RUNX1T1: variants seen among roughly 807,000 people sequenced by gnomAD.
RUNX1T1 encodes the protein protein CBFA2T1.
In RUNX1T1, 4 loss-of-function variants were observed where a neutral mutation model predicts 62.8. The ratio of observed to expected loss-of-function variants is 0.06; its 90% CI spans 0.03 to 0.15. RUNX1T1 has a LOEUF of 0.15. Ranked by LOEUF, RUNX1T1 falls within the 10% of genes least tolerant of loss-of-function variation. RUNX1T1 has a pLI of 1.00. For missense variants in RUNX1T1, 508 were observed against 754.3 expected, an observed-to-expected ratio of 0.67 and a Z score of 3.82; for synonymous variants, 291 against 286.0, an observed-to-expected ratio of 1.02 and a Z score of -0.18.
At chr8:91,977,585 G>A (rs989446822) in intron 8 of RUNX1T1, among the ~76,000 whole-genome samples, 2 of 152,060 alleles carry the variant, frequency 1.3e-5, no homozygotes, top group African/African-American at 2.4e-5. Flanking sequence ...TTAGCCATGT[G>A]ACACAGTACA....
downstream of RUNX1T1, chr8:91,957,329 C>T: frequency 4.5e-6 from 1 of 224,312 alleles, no homozygotes; most frequent in African/African-American, 2.2e-5. Flanking sequence ...TTCTTTTGTG[C>T]CCATTTGGTT....
chr8:91,998,435 A>C (rs770273975), intron 5 of RUNX1T1, among the ~76,000 whole-genome samples: 4 of 152,288 alleles, frequency 2.6e-5, no homozygotes, highest in Middle Eastern at 6.8e-3. Context: ...TAATCTCTCC[A>C]TTGCTAAACA....
intron 3 of RUNX1T1, among the ~76,000 whole-genome samples, chr8:92,011,537 A>C (rs75377866): frequency 0.015 from 2,327 of 152,320 alleles, 36 homozygotes; most frequent in Non-Finnish European, 0.024. Flanking sequence ...TGGTGGAAAT[A>C]TTCTTCTCCT....
chr8:92,060,548 T>TA (rs1373668272), intron 1 of RUNX1T1, among the ~76,000 whole-genome samples: 3 of 131,864 alleles, frequency 2.3e-5, no homozygotes, highest in Non-Finnish European at 4.9e-5. Context: ...TATATATATA[T>TA]ATATATGTGT....
chr8:92,086,373 C>T (rs1210312113), intron 1 of RUNX1T1, among the ~76,000 whole-genome samples: 1 of 152,226 alleles, frequency 6.6e-6, no homozygotes, highest in African/African-American at 2.4e-5. Context: ...GCCCACCTGA[C>T]CACTTTGCAT....
intron 3 of RUNX1T1, among the ~76,000 whole-genome samples, 179 bp from the exon 5 acceptor site, chr8:92,011,270 A>G (rs1821872163): frequency 6.6e-6 from 1 of 152,234 alleles, no homozygotes; most frequent in African/African-American, 2.4e-5. Context: ...AGTTTATTGC[A>G]TCACTCACTT....
At chr8:92,089,801 GCTCC>G (rs1836692164) in intron 1 of RUNX1T1, among the ~76,000 whole-genome samples, 2 of 151,704 alleles carry the variant, frequency 1.3e-5, no homozygotes, top group South Asian at 4.2e-4. Context: ...GGAAAGAATG[GCTCC>G]CTAGTCCATA....
chr8:92,067,059 G>A (rs1228790466), upstream of RUNX1T1, among the ~76,000 whole-genome samples: 2 of 152,148 alleles, frequency 1.3e-5, no homozygotes, highest in African/African-American at 2.4e-5. Flanking sequence ...AAAAGAACAG[G>A]AGACATTATT....
At chr8:92,095,596 G>A (rs766878445) in intron 1 of RUNX1T1, 34 of 1,414,786 alleles carry the variant, frequency 2.4e-5, no homozygotes, top group Non-Finnish European at 3.0e-5. Flanking sequence ...GAGACGGAGC[G>A]GGAGAGGGAG....
chr8:91,964,559 G>T (rs1222266856), intron 10 of RUNX1T1, among the ~76,000 whole-genome samples: 2 of 152,118 alleles, frequency 1.3e-5, no homozygotes, highest in Non-Finnish European at 2.9e-5. Flanking sequence ...CATGATTGCA[G>T]TTTCAGAAAC....
At chr8:91,969,338 T>A (rs921444021) in intron 10 of RUNX1T1, among the ~76,000 whole-genome samples, 1 of 152,182 alleles carries the variant, frequency 6.6e-6, no homozygotes, top group Non-Finnish European at 1.5e-5. Flanking sequence ...TTTGGTGACC[T>A]AAAAAGTACT....
chr8:92,036,452 G>T (rs1226042148), intron 1 of RUNX1T1, among the ~76,000 whole-genome samples: 3 of 152,148 alleles, frequency 2.0e-5, no homozygotes, highest in Non-Finnish European at 2.9e-5. Context: ...AAAAGGCAAA[G>T]GGATAGAATT....
intron 1 of RUNX1T1, among the ~76,000 whole-genome samples, chr8:92,049,512 A>C (rs1293354684): frequency 6.6e-6 from 1 of 152,158 alleles, no homozygotes; most frequent in East Asian, 1.9e-4. Context: ...GACATCAAAA[A>C]ACATTTCAAG....
chr8:92,003,442 G>C, intron 5 of RUNX1T1: 1 of 452,832 alleles, frequency 2.2e-6, no homozygotes, highest in South Asian at 1.6e-5. Flanking sequence ...TTATTTAGCA[G>C]TTCAGAATGC....
At chr8:91,971,591 A>C (rs1397859910) in intron 9 of RUNX1T1, among the ~76,000 whole-genome samples, 3 of 152,222 alleles carry the variant, frequency 2.0e-5, no homozygotes, top group Non-Finnish European at 4.4e-5. Flanking sequence ...TTTCCTGAGT[A>C]ATATAAATAT....
At chr8:92,054,159 C>T (rs1384983578) in intron 1 of RUNX1T1, among the ~76,000 whole-genome samples, 1 of 151,268 alleles carries the variant, frequency 6.6e-6, no homozygotes, top group Non-Finnish European at 1.5e-5. Context: ...TTTTCAGGCT[C>T]TCACTTAAGC....
intron 2 of RUNX1T1, among the ~76,000 whole-genome samples, chr8:92,071,919 C>A (rs1833744572): frequency 6.6e-6 from 1 of 152,230 alleles, no homozygotes; most frequent in African/African-American, 2.4e-5. Flanking sequence ...AAAGCTGACC[C>A]AGAAACAAGT....
At chr8:91,993,559 T>C (rs953609409) in intron 5 of RUNX1T1, among the ~76,000 whole-genome samples, 1 of 152,214 alleles carries the variant, frequency 6.6e-6, no homozygotes, top group African/African-American at 2.4e-5. Context: ...AAAATGGGAC[T>C]GATAGGAAAC....
At chr8:91,958,570 C>T (rs1325021087), downstream of RUNX1T1, 1 of 184,144 alleles carries the variant, frequency 5.4e-6, no homozygotes, top group East Asian at 8.6e-5. Flanking sequence ...TATGCATGCA[C>T]TGTCCTTTTT....
Sources: gnomAD v4.1 joint callset for allele counts (sites outside exome capture counted in the v4.1 genomes callset) on GRCh38, gnomAD v4.1.1 for gene constraint, MANE v1.5 for transcripts, NCBI Gene and HGNC (gene_info 2026-07-23, HGNC 2026-07-21) for gene names.